CCDC150: variants seen among roughly 807,000 people sequenced by gnomAD.
CCDC150 encodes coiled-coil domain containing 150, also known as coiled-coil domain-containing protein 150.
A neutral mutation model predicts 156.5 loss-of-function variants in CCDC150; 151 were observed. The observed-to-expected ratio is 0.97, with a 90% CI of 0.85 to 1.10. The LOEUF (loss-of-function observed/expected upper bound fraction) is 1.10, where lower values mean the gene tolerates loss of function less well. Ranked by LOEUF, CCDC150 falls within the 50% of genes least tolerant of loss-of-function variation. CCDC150 has a pLI of 0.00. For synonymous variants in CCDC150, 452 were observed against 429.4 expected (o/e 1.05, Z -0.65); for missense variants, 1,312 against 1,268.1 (o/e 1.03, Z -0.53).
intron 1 of CCDC150, among the ~76,000 whole-genome samples, chr2:196,642,413 C>T (rs1023486968): frequency 1.3e-5 from 2 of 152,174 alleles, no homozygotes; most frequent in South Asian, 2.1e-4. Context: ...TGCTTTGGGC[C>T]TACCAGATGG....
intron 17 of CCDC150, among the ~76,000 whole-genome samples, chr2:196,717,937 T>G (rs1697638191): frequency 6.6e-6 from 1 of 152,072 alleles, no homozygotes. Context: ...CTGCACTATT[T>G]TTGCAACATC....
chr2:196,692,838 A>C (rs1681454590), intron 13 of CCDC150, among the ~76,000 whole-genome samples: 1 of 152,122 alleles, frequency 6.6e-6, no homozygotes, highest in Non-Finnish European at 1.5e-5. Flanking sequence ...TGTCACTTCC[A>C]TTTGATCTAG....
At chr2:196,699,307 T>C (rs1216624430) in intron 14 of CCDC150, among the ~76,000 whole-genome samples, 2 of 152,232 alleles carry the variant, frequency 1.3e-5, no homozygotes, top group Non-Finnish European at 2.9e-5. Context: ...ATGAAATAAA[T>C]ATTAATTCTG....
At chr2:196,658,756 C>T in intron 4 of CCDC150, 36 bp from the exon 5 acceptor site, 1 of 1,485,590 alleles carries the variant, frequency 6.7e-7, no homozygotes, top group Non-Finnish European at 9.3e-7. Context: ...CCTGTCATTT[C>T]AGATTATTTA....
chr2:196,695,809 T>TAA (rs1695786868), intron 14 of CCDC150, among the ~76,000 whole-genome samples: 1 of 122,198 alleles, frequency 8.2e-6, no homozygotes, highest in Non-Finnish European at 1.6e-5. Flanking sequence ...AGATTCCGTC[T>TAA]CAAAAAAAAA....
At chr2:196,680,115 T>C (rs1299283295) in intron 13 of CCDC150, among the ~76,000 whole-genome samples, 1 of 152,204 alleles carries the variant, frequency 6.6e-6, no homozygotes, top group East Asian at 1.9e-4. Context: ...TTTTAAATTT[T>C]AATGAAGACT....
chr2:196,703,313 G>T (rs1302953909), intron 15 of CCDC150, among the ~76,000 whole-genome samples: 3 of 152,170 alleles, frequency 2.0e-5, no homozygotes, highest in African/African-American at 7.2e-5. Flanking sequence ...GATAAGCCAT[G>T]CTTGCGGAAC....
At position 196,639,735 on chromosome 2, in the gene CCDC150, G is replaced by A. The variant is rs373975437; in HGVS notation, c.-32G>A. 9.1e-6 allele frequency: 14 copies of A among 1,536,706 alleles called. No individual in the cohort carries two copies. The African/African-American group carries it at 1.5e-4, about 17-fold the overall frequency. ...GTGTTAGTTCCACGGAAACCCGCTC[G>A]CCTGCTGCAGTACGGAGCCTCAGGC... is the stretch of plus-strand genomic sequence containing the variant. On this transcript the variant is annotated 5_prime_UTR_variant, in exon 1 of 28. Coordinates refer to ENST00000389175, the MANE Select transcript of CCDC150 (RefSeq NM_001080539.2).
At position 196,720,609 on chromosome 2, in the gene CCDC150, G is replaced by A. The variant is rs1212840750; in HGVS notation, c.2200G>A (p.Ala734Thr). 7 of 1,613,820 alleles carry A rather than the reference G, an allele frequency of 4.3e-6. No individual in the cohort carries two copies. Among genetic ancestry groups the A allele is most frequent in the South Asian group, 1.1e-5 (1 of 91,076 alleles). ...TCAACAGAGGGTGCAGAAGCTGGAA[G>A]CTGAAGTGGACCAGTGGCAGGCCAG... ...LNQQRVQKLE[A>T]EVDQWQARML... is the part of the protein sequence containing the mutation. The change falls in exon 20 of 28, where the codon GCT becomes ACT. Residue 734 changes from alanine (A) to threonine (T), a missense_variant. Transcript: ENST00000389175.
intron 17 of CCDC150, chr2:196,713,482 A>G: frequency 6.4e-7 from 1 of 1,550,778 alleles, no homozygotes; most frequent in South Asian, 1.2e-5. Flanking sequence ...GTGTTATTCC[A>G]AACTCTACAC....
chr2:196,697,560 G>A (rs971561963), intron 14 of CCDC150, among the ~76,000 whole-genome samples: 5 of 152,092 alleles, frequency 3.3e-5, no homozygotes, highest in African/African-American at 9.7e-5. Flanking sequence ...ATTTAAAAAT[G>A]AACTAAAATG....
chr2:196,726,103 T>C lies in CCDC150; in HGVS notation c.2556+4T>C, dbSNP rs760503478. On this transcript the variant is annotated splice_donor_region_variant and intron_variant, in intron 22 of 27. Transcript: ENST00000389175. The stretch of plus-strand genomic sequence containing the variant: ...GGCACAACGGGAAGTGGCTGAGGTA[T>C]AGTCATGAGAAAAGTTTCTCTTTTG... The C allele has an allele frequency of 6.2e-6, 10 of 1,612,574 alleles. No individual in the cohort carries two copies. The highest frequency in any genetic ancestry group is 8.5e-6 in the Non-Finnish European group (10 of 1,179,220).
At chr2:196,657,953 G>A (rs1693323363) in intron 4 of CCDC150, among the ~76,000 whole-genome samples, 1 of 152,150 alleles carries the variant, frequency 6.6e-6, no homozygotes, top group African/African-American at 2.4e-5. Flanking sequence ...CCTTACAAGA[G>A]TGAGGATTTG....
At chr2:196,645,052 A>C (rs996289769) in intron 1 of CCDC150, among the ~76,000 whole-genome samples, 1 of 152,138 alleles carries the variant, frequency 6.6e-6, no homozygotes, top group Admixed American at 6.5e-5. Context: ...TGAACTTAGG[A>C]GGTGGAGGTT....
chr2:196,662,929 C>T (rs1344346884), intron 5 of CCDC150, among the ~76,000 whole-genome samples: 1 of 151,718 alleles, frequency 6.6e-6, no homozygotes, highest in Non-Finnish European at 1.5e-5. Flanking sequence ...ATCCTGTCTC[C>T]AAAACCCACC....
In CCDC150 at chr2:196,720,588, C is replaced by T. The variant is rs1559275243; in HGVS notation, c.2179C>T (p.Gln727Ter). The change falls in exon 20 of 28, where the codon CAG becomes TAG. Residue 727 changes from glutamine (Q) to a stop codon, truncating the protein, a stop_gained. Coordinates refer to ENST00000389175, the MANE Select transcript of CCDC150 (RefSeq NM_001080539.2). LOFTEE classifies it high-confidence loss of function. ...TTTTATTTTTAGGGATCTCAATCAA[C>T]AGAGGGTGCAGAAGCTGGAAGCTGA... ...GLKKERDLNQQRVQKLEAEVD... is the reference protein window; with the variant it reads ...GLKKERDLNQ 6.2e-7 allele frequency: 1 copy of T among 1,613,636 alleles called. No homozygotes were observed. Among genetic ancestry groups the T allele is most frequent in the Admixed American group, 1.7e-5 (1 of 59,980 alleles).
rs2125608674 is a variant in CCDC150, at chr2:196,672,358, C to A, written c.950C>A (p.Ser317Tyr). 6.5e-7 allele frequency: 1 copy of A among 1,527,384 alleles called. No individual in the cohort carries two copies. The allele number at this position is 1,527,384 out of a possible 1,614,324, so 94.6% of individuals were successfully genotyped here. The stretch of plus-strand genomic sequence containing the variant: ...TTTTTCTTATAGAACCTGCAGATAT[C>A]TTTCAACAAGGAACATGAAGAAAAT... ...LVEENKNLQI[S>Y]FNKEHEENAY... Residue 317 changes from serine to tyrosine, a missense_variant, in exon 9 of 28, where the codon TCT (serine) becomes TAT (tyrosine). Transcript: ENST00000389175.
In CCDC150 at chr2:196,721,353, C is replaced by CATATATATATATATATATATATATAT. The variant is rs1199770615; in HGVS notation, c.2260-153_2260-152insATATATATATATATATATATATATAT. Reference sequence around the variant, plus strand: ...GAGTTCTCATTCATATATGTGTGTGCATATATATATATATATTTTCCAGGC... The same window carrying CATATATATATATATATATATATATAT: ...GAGTTCTCATTCATATATGTGTGTGCATATATATATATATATATATATATATATATATATATATATATTTTCCAGGC... On this transcript the variant is annotated intron_variant, in intron 20 of 27. Coordinates refer to ENST00000389175, the MANE Select transcript of CCDC150 (RefSeq NM_001080539.2). Among the ~76,000 whole-genome samples, 5 of 133,112 alleles carry CATATATATATATATATATATATATAT rather than the reference C, an allele frequency of 3.8e-5. 1 individual carries two copies. Among genetic ancestry groups the CATATATATATATATATATATATATAT allele is most frequent in the African/African-American group, 1.3e-4 (5 of 37,388 alleles). The allele number at this position is 133,112 out of a possible 152,430, so 87.3% of individuals were successfully genotyped here. A position where few individuals can be genotyped will look rare whatever the true frequency, so the allele number is the denominator to read the frequency against.
intron 26 of CCDC150, among the ~76,000 whole-genome samples, 158 bp from the exon 27 acceptor site, chr2:196,731,875 G>A (rs143956030): frequency 1.3e-5 from 2 of 152,158 alleles, no homozygotes; most frequent in Non-Finnish European, 2.9e-5. Flanking sequence ...TTACTCGCAT[G>A]TATAGGATGT....
Sources: allele counts gnomAD v4.1 joint callset (sites outside exome capture counted in the v4.1 genomes callset), GRCh38; gene constraint gnomAD v4.1.1; transcripts MANE v1.5; gene names NCBI Gene and HGNC (gene_info 2026-07-23, HGNC 2026-07-21).